Variants in RAD51B observed in about 807,000 individuals in gnomAD.
The protein encoded by RAD51B is DNA repair protein RAD51 homolog 2.
A neutral mutation model predicts 42.2 loss-of-function variants in RAD51B; 38 were observed. The observed-to-expected ratio is 0.90, with a 90% CI of 0.70 to 1.18. The LOEUF is 1.18. RAD51B is among the 50% of genes most tolerant of loss of function. RAD51B has a pLI of 0.00. For missense variants in RAD51B, 373 were observed against 400.7 expected, an observed-to-expected ratio of 0.93 and a Z score of 0.59; for synonymous variants, 154 against 145.2, an observed-to-expected ratio of 1.06 and a Z score of -0.43.
At chr14:68,619,933 T>C (rs1285191241) in intron 10 of RAD51B, among the ~76,000 whole-genome samples, 1 of 152,204 alleles carries the variant, frequency 6.6e-6, no homozygotes, top group Non-Finnish European at 1.5e-5. Context: ...GTTGATGTTT[T>C]TCCTAGACTT....
chr14:68,435,296 A>G (rs192138565), intron 9 of RAD51B, among the ~76,000 whole-genome samples: 2 of 152,190 alleles, frequency 1.3e-5, no homozygotes, highest in African/African-American at 2.4e-5. Context: ...TTCTGGTCCT[A>G]TGTTAATTCA....
intron 7 of RAD51B, among the ~76,000 whole-genome samples, chr14:68,290,812 A>G (rs1025275477): frequency 2.6e-5 from 4 of 151,496 alleles, no homozygotes; most frequent in African/African-American, 9.7e-5. Context: ...TTATTTATTT[A>G]TTTATTTATT....
intron 7 of RAD51B, among the ~76,000 whole-genome samples, chr14:68,197,183 T>G (rs2079390158): frequency 6.6e-6 from 1 of 152,208 alleles, no homozygotes; most frequent in Non-Finnish European, 1.5e-5. Context: ...TATTTTCTTG[T>G]GTTCCCTTCC....
At chr14:67,900,217 T>G (rs916296334) in intron 7 of RAD51B, among the ~76,000 whole-genome samples, 5 of 152,186 alleles carry the variant, frequency 3.3e-5, no homozygotes, top group African/African-American at 1.2e-4. Flanking sequence ...CATGTAATGT[T>G]AAGAGTATAA....
intron 7 of RAD51B, among the ~76,000 whole-genome samples, chr14:68,281,136 A>G (rs1344463745): frequency 6.6e-6 from 1 of 152,210 alleles, no homozygotes; most frequent in Non-Finnish European, 1.5e-5. Flanking sequence ...TAGGGCTAGA[A>G]TAGTTAGCAA....
At chr14:68,300,400 G>A (rs1037296902) in intron 8 of RAD51B, among the ~76,000 whole-genome samples, 2 of 151,964 alleles carry the variant, frequency 1.3e-5, no homozygotes, top group Non-Finnish European at 2.9e-5. Context: ...TGTAGAGACA[G>A]GGTCTTGCTA....
At chr14:68,276,106 C>G (rs2081218971) in intron 7 of RAD51B, among the ~76,000 whole-genome samples, 2 of 152,268 alleles carry the variant, frequency 1.3e-5, no homozygotes, top group South Asian at 4.2e-4. Context: ...AATACCTGTG[C>G]TGTTATTATA....
chr14:68,526,540 A>G (rs764490993), intron 10 of RAD51B, among the ~76,000 whole-genome samples: 1 of 152,206 alleles, frequency 6.6e-6, no homozygotes, highest in Non-Finnish European at 1.5e-5. Context: ...TCCCATGAAC[A>G]TGTCCTCCAG....
chr14:68,373,859 A>G (rs749164089), intron 8 of RAD51B, among the ~76,000 whole-genome samples: 16 of 152,198 alleles, frequency 1.1e-4, no homozygotes, highest in Non-Finnish European at 1.9e-4. Context: ...ACTATACCAC[A>G]CTGCCTCTTA....
downstream of RAD51B, among the ~76,000 whole-genome samples, chr14:68,599,785 C>T (rs1891145282): frequency 1.3e-5 from 2 of 152,162 alleles, no homozygotes; most frequent in African/African-American, 4.8e-5. Context: ...AGGATGGAGA[C>T]AAGAAGGAAA....
chr14:68,132,929 C>T (rs2077926015), intron 7 of RAD51B, among the ~76,000 whole-genome samples: 1 of 152,142 alleles, frequency 6.6e-6, no homozygotes, highest in Non-Finnish European at 1.5e-5. Flanking sequence ...ACAAATCAAC[C>T]AAGGCCAAGG....
chr14:67,919,142 A>T (rs1220416122), intron 7 of RAD51B, among the ~76,000 whole-genome samples: 1 of 152,222 alleles, frequency 6.6e-6, no homozygotes, highest in East Asian at 1.9e-4. Context: ...AAAGAGTTTC[A>T]TAGTTTGTTC....
intron 7 of RAD51B, among the ~76,000 whole-genome samples, chr14:67,951,648 C>CA (rs200924170): frequency 0.011 from 1,721 of 152,190 alleles, 19 homozygotes; most frequent in Non-Finnish European, 0.016. Flanking sequence ...GGTGAAAGTT[C>CA]AGGTTTATCT....
chr14:68,549,981 T>C (rs1443838751), intron 10 of RAD51B, among the ~76,000 whole-genome samples: 1 of 152,282 alleles, frequency 6.6e-6, no homozygotes, highest in Non-Finnish European at 1.5e-5. Context: ...TGGTGGAGGA[T>C]TGGGGGACTC....
chr14:67,932,130 C>G (rs1002462368), intron 7 of RAD51B, among the ~76,000 whole-genome samples: 8 of 152,142 alleles, frequency 5.3e-5, no homozygotes, highest in African/African-American at 1.9e-4. Flanking sequence ...CTTCCTCCCT[C>G]CCTCCTACCT....
intron 10 of RAD51B, among the ~76,000 whole-genome samples, chr14:68,575,400 C>T (rs367737286): frequency 6.6e-6 from 1 of 152,178 alleles, no homozygotes; most frequent in Non-Finnish European, 1.5e-5. Flanking sequence ...ATTTCTCTGG[C>T]AGTCACCAGA....
At chr14:67,856,224 T>A (rs2041996656) in intron 4 of RAD51B, among the ~76,000 whole-genome samples, 1 of 152,174 alleles carries the variant, frequency 6.6e-6, no homozygotes, top group African/African-American at 2.4e-5. Flanking sequence ...AAACGGCAGC[T>A]GTCAATATGA....
intron 8 of RAD51B, among the ~76,000 whole-genome samples, chr14:68,397,469 G>A (rs531291809): frequency 4.3e-4 from 66 of 152,310 alleles, no homozygotes; most frequent in Non-Finnish European, 5.0e-4. Flanking sequence ...CCGGGGATTG[G>A]GACATGCTTG....
intron 7 of RAD51B, among the ~76,000 whole-genome samples, chr14:68,285,500 G>A (rs1319318818): frequency 6.6e-6 from 1 of 152,224 alleles, no homozygotes; most frequent in Non-Finnish European, 1.5e-5. Flanking sequence ...AGTAGACTCA[G>A]CACCCACATT....
Sources: allele counts gnomAD v4.1 joint callset (sites outside exome capture counted in the v4.1 genomes callset), GRCh38; gene constraint gnomAD v4.1.1; transcripts MANE v1.5; gene names NCBI Gene and HGNC (gene_info 2026-07-23, HGNC 2026-07-21).